Variants in NUBPL observed in about 807,000 individuals in gnomAD.
NUBPL encodes iron-sulfur cluster transfer protein NUBPL.
NUBPL carries 31 observed loss-of-function variants against 45.7 expected under a neutral mutation model. The ratio of observed to expected loss-of-function variants is 0.68; its 90% confidence interval spans 0.51 to 0.92. The LOEUF (loss-of-function observed/expected upper bound fraction) is 0.92. NUBPL is among the 40% of genes least tolerant of loss of function. NUBPL has a pLI of 0.00. For missense variants in NUBPL, 401 were observed against 398.7 expected (o/e 1.01, Z -0.05); for synonymous variants, 144 against 140.9 (o/e 1.02, Z -0.15).
In NUBPL at chr14:31,619,902, G is replaced by A. The variant is rs79371110; in HGVS notation, c.382+20523G>A. Among the ~76,000 whole-genome samples, 3 of 152,078 alleles carry A rather than the reference G, an allele frequency of 2.0e-5. No homozygotes were observed. The East Asian group carries it at 5.8e-4, about 29-fold the overall frequency. The stretch of plus-strand genomic sequence containing the variant: ...TTTCCAACTTGGTTCCATTTTCCCT[G>A]TCATGTTCAAGTACGCCAATCACAT... On this transcript the variant is annotated intron_variant, in intron 4 of 10. Coordinates refer to ENST00000281081, the MANE Select transcript of NUBPL (RefSeq NM_025152.3).
intron 7 of NUBPL, among the ~76,000 whole-genome samples, chr14:31,815,457 A>AAT (rs1464609206): frequency 6.6e-6 from 1 of 152,116 alleles, no homozygotes; most frequent in African/African-American, 2.4e-5. Flanking sequence ...GGGTTTTCTA[A>AAT]ATATATAATC....
intron 4 of NUBPL, among the ~76,000 whole-genome samples, chr14:31,645,288 G>T (rs956145297): frequency 2.0e-5 from 3 of 151,832 alleles, no homozygotes; most frequent in South Asian, 4.2e-4. Context: ...GGATGGTCTC[G>T]ATCTCCTGAC....
intron 6 of NUBPL, among the ~76,000 whole-genome samples, chr14:31,676,474 G>A (rs1477932647): frequency 6.6e-6 from 1 of 151,550 alleles, no homozygotes; most frequent in South Asian, 2.1e-4. Flanking sequence ...TTCTGTTGAT[G>A]AATATTTGGG....
intron 4 of NUBPL, among the ~76,000 whole-genome samples, chr14:31,672,306 T>TGTGTGTGG (rs1194564775): frequency 5.5e-5 from 8 of 144,222 alleles, no homozygotes; most frequent in Non-Finnish European, 3.1e-5. Context: ...TGTGTGTGTG[T>TGTGTGTGG]GCATGCAAAT....
chr14:31,606,696 T>C (rs1048991825), intron 4 of NUBPL, among the ~76,000 whole-genome samples: 3 of 151,764 alleles, frequency 2.0e-5, no homozygotes, highest in African/African-American at 7.3e-5. Flanking sequence ...GGGCAGGGCA[T>C]ATTGTTGGCT....
chr14:31,634,171 TGA>T (rs1042213415), intron 4 of NUBPL, among the ~76,000 whole-genome samples: 16 of 151,870 alleles, frequency 1.1e-4, no homozygotes, highest in Non-Finnish European at 1.9e-4. Context: ...TGTACCATGT[TGA>T]GTTTGCTGCA....
At chr14:31,692,281 TC>T (rs2037111744) in intron 6 of NUBPL, among the ~76,000 whole-genome samples, 1 of 152,236 alleles carries the variant, frequency 6.6e-6, no homozygotes, top group Non-Finnish European at 1.5e-5. Context: ...GTATTTTTTT[TC>T]CTCCTGAATT....
intron 6 of NUBPL, among the ~76,000 whole-genome samples, chr14:31,711,986 G>A (rs1289420561): frequency 2.0e-5 from 3 of 152,174 alleles, no homozygotes; most frequent in East Asian, 1.9e-4. Flanking sequence ...GTTAGAGCTC[G>A]TAAAGGTGGT....
At chr14:31,855,733 T>A (rs1269043325) in intron 10 of NUBPL, among the ~76,000 whole-genome samples, 1 of 151,902 alleles carries the variant, frequency 6.6e-6, no homozygotes, top group Non-Finnish European at 1.5e-5. Context: ...AATGAAGACA[T>A]GCGAAACACT....
chr14:31,766,836 A>G (rs956370128), intron 6 of NUBPL, among the ~76,000 whole-genome samples: 2 of 152,140 alleles, frequency 1.3e-5, no homozygotes, highest in Non-Finnish European at 2.9e-5. Flanking sequence ...GGTTGTTGGC[A>G]CCTTTTCCTT....
chr14:31,751,979 G>A (rs929369472), intron 6 of NUBPL, among the ~76,000 whole-genome samples: 2 of 152,174 alleles, frequency 1.3e-5, no homozygotes, highest in Non-Finnish European at 1.5e-5. Context: ...TTGTACCTTG[G>A]CCTCTTTTAG....
intron 6 of NUBPL, among the ~76,000 whole-genome samples, chr14:31,725,422 T>C (rs1221981247): frequency 1.3e-5 from 2 of 152,152 alleles, no homozygotes; most frequent in Non-Finnish European, 2.9e-5. Flanking sequence ...ACCAGAAGTG[T>C]TTTGGATATC....
Position 31,774,593 on chromosome 14 carries a change from T to C in NUBPL, c.514-13187T>C, listed in dbSNP as rs143145217. Among the ~76,000 whole-genome samples the C allele has an allele frequency of 3.6e-3, 547 of 152,272 alleles. 3 individuals carry two copies. The highest frequency in any genetic ancestry group is 0.013 in the African/African-American group (532 of 41,554). On this transcript the variant is annotated intron_variant, in intron 6 of 10. Transcript: ENST00000281081. ...TAACGGATGTCCTGAAAAAGACAAA[T>C]TACCTTATCTGCCCAAATATAAAAT...
chr14:31,832,709 G>A (rs538190604), intron 8 of NUBPL, among the ~76,000 whole-genome samples: 36 of 152,210 alleles, frequency 2.4e-4, no homozygotes, highest in East Asian at 2.1e-3. Context: ...TTAGATGATA[G>A]GAAACTACTT....
chr14:31,825,720 C>T (rs1212699911), intron 7 of NUBPL, among the ~76,000 whole-genome samples: 1 of 147,918 alleles, frequency 6.8e-6, no homozygotes, highest in African/African-American at 2.5e-5. Context: ...TCTTTTTCCT[C>T]TCCTTCATCA....
chr14:31,738,584 G>A (rs2038210540), intron 6 of NUBPL, among the ~76,000 whole-genome samples: 1 of 152,120 alleles, frequency 6.6e-6, no homozygotes, highest in Non-Finnish European at 1.5e-5. Context: ...GCCCAAGGCA[G>A]GAATATGTTA....
At chr14:31,818,589 C>T (rs2039964416) in intron 7 of NUBPL, among the ~76,000 whole-genome samples, 1 of 151,736 alleles carries the variant, frequency 6.6e-6, no homozygotes, top group South Asian at 2.1e-4. Flanking sequence ...CACTGTCACC[C>T]AGGCTGGACT....
rs542282223 is a variant in NUBPL at position 31,744,629 on chromosome 14, T to G, written c.514-43151T>G. Among the ~76,000 whole-genome samples, 10 of 146,000 alleles carry G rather than the reference T, an allele frequency of 6.8e-5. No individual in the cohort carries two copies. In the South Asian group the frequency reaches 2.0e-3, roughly 30 times the overall value. On this transcript the variant is annotated intron_variant, in intron 6 of 10. Coordinates refer to ENST00000281081, the MANE Select transcript of NUBPL (RefSeq NM_025152.3). Reference sequence around the variant, plus strand: ...AGATTTGTAGAATCTTTTTTTTTTTTTTTTTTTTTTGAGATGGAGTCTCAC... The same window carrying G: ...AGATTTGTAGAATCTTTTTTTTTTTGTTTTTTTTTTGAGATGGAGTCTCAC...
At chr14:31,711,984 T>C (rs1221963661) in intron 6 of NUBPL, among the ~76,000 whole-genome samples, 2 of 152,142 alleles carry the variant, frequency 1.3e-5, no homozygotes, top group Non-Finnish European at 2.9e-5. Flanking sequence ...GTGTTAGAGC[T>C]CGTAAAGGTG....
Sources: allele counts gnomAD v4.1 joint callset (sites outside exome capture counted in the v4.1 genomes callset), GRCh38; gene constraint gnomAD v4.1.1; transcripts MANE v1.5; gene names NCBI Gene and HGNC (gene_info 2026-07-23, HGNC 2026-07-21).